The following ZNF331 variants were observed in gnomAD, a reference collection of about 807,000 sequenced individuals.
ZNF331 encodes C2H2-like zinc finger protein rearranged in thyroid adenomas.
In ZNF331, 2 loss-of-function variants were observed where a neutral mutation model predicts 7.0. The ratio of observed to expected loss-of-function variants is 0.29; its 90% CI spans 0.12 to 0.90. ZNF331 has a LOEUF of 0.90. Ranked by LOEUF, ZNF331 falls within the 40% of genes least tolerant of loss-of-function variation. ZNF331 has a pLI of 0.58. For missense variants in ZNF331, 432 were observed against 587.7 expected (o/e 0.74, Z 2.74); for synonymous variants, 196 against 205.4 (o/e 0.95, Z 0.39).
Position 53,577,417 on chromosome 19 carries a change from T to A in ZNF331, c.857T>A (p.Leu286His). The A allele has an allele frequency of 6.2e-7, 1 of 1,614,204 alleles. No individual in the cohort carries two copies. Among genetic ancestry groups the A allele is most frequent in the Non-Finnish European group, 8.5e-7 (1 of 1,180,030 alleles). The change falls in exon 6 of 6, where the codon CTC (leucine) becomes CAC (histidine). Residue 286 changes from leucine (L) to histidine (H), a missense_variant. By Grantham distance (99) the Leu-to-His change is moderately conservative (BLOSUM62 -3). Around this residue, in one of 3 missense-constraint regions of ZNF331, gnomAD observed 312 missense variants for 448.6 expected, o/e 0.70. Coordinates refer to ENST00000449416, the MANE Select transcript of ZNF331 (RefSeq NM_001079906.2). ...CGKAFICGSS[L>H]IQHKRIHTGE... ...AAGGCTTTTATTTGTGGTTCAAGCC[T>A]CATTCAGCATAAAAGAATTCACACA... is the stretch of plus-strand genomic sequence containing the variant.
At chr19:53,541,015 C>T (rs28812774) in intron 2 of ZNF331, among the ~76,000 whole-genome samples, 12 of 152,202 alleles carry the variant, frequency 7.9e-5, no homozygotes, top group African/African-American at 2.9e-4. Flanking sequence ...CTTAATTCCC[C>T]TTTGCCATGT....
exon 1 of ZNF331, chr19:53,521,331 A>AGTGAGAGTGTGTGTGTGT (rs779905191): frequency 3.1e-5 from 4 of 129,114 alleles, no homozygotes; most frequent in Non-Finnish European, 6.7e-5. Context: ...AGTGTGTGTG[A>AGTGAGAGTGTGTGTGTGT]GTGTGTGTGT....
the ZNF331 span, among the ~76,000 whole-genome samples, chr19:53,506,215 A>G: frequency 0.52 from 59,397 of 113,576 alleles, 16,074 homozygotes; most frequent in African/African-American, 0.65. Flanking sequence ...GGCGCCTGTA[A>G]TCCCAGCTAC....
At chr19:53,529,764 ATAAC>A (rs1193575878) in intron 2 of ZNF331, among the ~76,000 whole-genome samples, 1 of 152,218 alleles carries the variant, frequency 6.6e-6, no homozygotes, top group Admixed American at 6.5e-5. Context: ...GAATGAGAGA[ATAAC>A]TAAAAGGACA....
In ZNF331 at chr19:53,571,117, G is replaced by A. The variant is rs73051573; in HGVS notation, c.10-487G>A. On this transcript the variant is annotated intron_variant, in intron 4 of 5. Transcript: ENST00000449416. The surrounding 1 kb of genome is among the most constrained non-coding windows in gnomAD (Gnocchi z 4.7). Reference sequence around the variant, plus strand: ...CTCGTGATCCGCCTGCCTTGTTCTCGTGATCCGCCTGCCTTGGCCTCCCAA... The same window carrying A: ...CTCGTGATCCGCCTGCCTTGTTCTCATGATCCGCCTGCCTTGGCCTCCCAA... 0.052 allele frequency among the ~76,000 whole-genome samples: 7,831 copies of A among 152,040 alleles called. 216 individuals carry two copies. The highest frequency in any genetic ancestry group is 0.066 in the Non-Finnish European group (4,467 of 67,976).
intron 4 of ZNF331, 143 bp downstream of exon 4, chr19:53,569,528 T>C (rs3746303): frequency 0.36 from 334,637 of 924,594 alleles, 64,660 homozygotes; most frequent in East Asian, 0.58. Context: ...TGAATGATAA[T>C]GCCACGTAGC....
Position 53,573,005 on chromosome 19 carries a change from G to C in ZNF331, c.136+1275G>C, listed in dbSNP as rs1183501228. Among the ~76,000 whole-genome samples the C allele has an allele frequency of 6.6e-6, 1 of 151,974 alleles. No individual in the cohort carries two copies. The highest frequency in any genetic ancestry group is 1.5e-5 in the Non-Finnish European group (1 of 67,992). On this transcript the variant is annotated intron_variant, in intron 5 of 5. Coordinates refer to ENST00000449416, the MANE Select transcript of ZNF331 (RefSeq NM_001079906.2). The surrounding 1 kb of genome is among the most constrained non-coding windows in gnomAD (Gnocchi z 4.2). ...AGGCTGAGGTGGGCGGATCACTGGAGGTCAGGAGTTAGAGACCAGCCTGGC... is the reference window on the plus strand; with the variant it reads ...AGGCTGAGGTGGGCGGATCACTGGACGTCAGGAGTTAGAGACCAGCCTGGC...
rs186363643 is a variant in ZNF331 at position 53,577,587 on chromosome 19, G to A, written c.1027G>A (p.Val343Ile). ...GKAFRWGSSLVKHERIHTGEK... is the reference protein window; with the variant it reads ...GKAFRWGSSLIKHERIHTGEK... ...GGCCTTTCGCTGGGGTTCGAGCCTC[G>A]TTAAGCACGAGAGGATACATACGGG... The change falls in exon 6 of 6, where the codon GTT becomes ATT. Residue 343 changes from valine (V) to isoleucine (I), a missense_variant. Val to Ile is a conservative substitution (Grantham distance 29). Coordinates refer to ENST00000449416, the MANE Select transcript of ZNF331 (RefSeq NM_001079906.2). The A allele has an allele frequency of 1.9e-5, 30 of 1,613,150 alleles. No individual in the cohort carries two copies. The highest frequency in any genetic ancestry group is 8.8e-5 in the South Asian group (8 of 91,026).
Position 53,571,846 on chromosome 19 carries a change from A to G in ZNF331, c.136+116A>G, listed in dbSNP as rs889818313. On this transcript the variant is annotated intron_variant, in intron 5 of 5. Coordinates refer to ENST00000449416, the MANE Select transcript of ZNF331 (RefSeq NM_001079906.2). The surrounding 1 kb of genome is among the most constrained non-coding windows in gnomAD (Gnocchi z 4.7). ...GAATTTCTTCTTCCTGTCCCCAAGG[A>G]ATGTATTGAGCCTTATTGATGTGGC... The G allele has an allele frequency of 6.5e-6, 9 of 1,388,910 alleles. No individual in the cohort carries two copies. The African/African-American group carries it at 8.7e-5, about 13-fold the overall frequency. 86.0% of individuals were successfully genotyped at this position (1,388,910 alleles called of 1,614,324 possible).
At chr19:53,503,421 ATCT>A in the ZNF331 span, 1 of 565,782 alleles carries the variant, frequency 1.8e-6, no homozygotes, top group Non-Finnish European at 3.2e-6. Flanking sequence ...CATGGGAACG[ATCT>A]TCTTATCGCA....
chr19:53,539,863 G>C lies in ZNF331; in HGVS notation c.-138+581G>C, dbSNP rs948543013. Among the ~76,000 whole-genome samples the C allele has an allele frequency of 6.6e-6, 1 of 152,170 alleles. No homozygotes were observed. Among genetic ancestry groups the C allele is most frequent in the African/African-American group, 2.4e-5 (1 of 41,424 alleles). On this transcript the variant is annotated intron_variant, in intron 2 of 5. Coordinates refer to ENST00000449416, the MANE Select transcript of ZNF331 (RefSeq NM_001079906.2). The surrounding 1 kb of genome is among the most constrained non-coding windows in gnomAD (Gnocchi z 6.1). ...TGTTCAGGATGGTGGAAATGGTTAA[G>C]TAATTATACCACGTTCATTTCATGG...
chr19:53,512,163 A>G, the ZNF331 span: 10 of 152,496 alleles, frequency 6.6e-5, no homozygotes, highest in Non-Finnish European at 1.3e-4. Flanking sequence ...GCCTCTCTCC[A>G]TCCTGGGAGG....
the ZNF331 span, among the ~76,000 whole-genome samples, chr19:53,510,687 A>G: frequency 3.9e-5 from 6 of 152,090 alleles, no homozygotes; most frequent in Non-Finnish European, 7.4e-5. Flanking sequence ...GATTCTTGCA[A>G]TAACATCCAT....
At chr19:53,562,460 C>T (rs2089939756) in intron 3 of ZNF331, among the ~76,000 whole-genome samples, 1 of 152,058 alleles carries the variant, frequency 6.6e-6, no homozygotes, top group Non-Finnish European at 1.5e-5. Flanking sequence ...GAGGCCAAAG[C>T]GGGTGGATCA....
upstream of ZNF331, among the ~76,000 whole-genome samples, chr19:53,518,306 GTGGCCTCTGGCCACAGGC>G (rs372620050): frequency 0.011 from 1,654 of 152,246 alleles, 28 homozygotes; most frequent in African/African-American, 0.038. Context: ...CGGGGGCCCT[GTGGCCTCTGGCCACAGGC>G]TGACGACTGC....
In ZNF331 at chr19:53,560,144, CACAT is replaced by C. The variant is rs1297722986; in HGVS notation, c.-74+4238_-74+4241del. On this transcript the variant is annotated intron_variant, in intron 3 of 5. Transcript: ENST00000449416. This position sits in a 1 kb window ranked among gnomAD's most constrained non-coding sequence, Gnocchi z 4.3. ...TATATACACACACCATATATATACACACATATATACACATCCACACCATATATAC... is the reference window on the plus strand; with the variant it reads ...TATATACACACACCATATATATACACATATACACATCCACACCATATATAC... Among the ~76,000 whole-genome samples, 1 of 121,216 alleles carries C rather than the reference CACAT, an allele frequency of 8.2e-6. No individual in the cohort carries two copies. Among genetic ancestry groups the C allele is most frequent in the Non-Finnish European group, 1.7e-5 (1 of 58,978 alleles). 79.5% of individuals were successfully genotyped at this position (121,216 alleles called of 152,430 possible).
In ZNF331 at chr19:53,571,019, C is replaced by T. The variant is rs556826977; in HGVS notation, c.10-585C>T. Among the ~76,000 whole-genome samples the T allele has an allele frequency of 1.9e-4, 29 of 151,934 alleles. No individual in the cohort carries two copies. Among genetic ancestry groups the T allele is most frequent in the Non-Finnish European group, 3.4e-4 (23 of 67,964 alleles). On this transcript the variant is annotated intron_variant, in intron 4 of 5. Transcript: ENST00000449416. The surrounding 1 kb of genome is among the most constrained non-coding windows in gnomAD (Gnocchi z 4.7). ...GACTACAGGCGCCCACCATCACGCCCGGCTAATTTTTTTGTATTTTTAGTA... is the reference window on the plus strand; with the variant it reads ...GACTACAGGCGCCCACCATCACGCCTGGCTAATTTTTTTGTATTTTTAGTA...
intron 2 of ZNF331, among the ~76,000 whole-genome samples, chr19:53,549,686 T>C (rs1269194816): frequency 7.7e-6 from 1 of 130,608 alleles, no homozygotes; most frequent in Non-Finnish European, 1.6e-5. Context: ...CAGTGGGGAC[T>C]CTGTCTCAAA....
At chr19:53,528,132 A>G (rs2087378966) in intron 2 of ZNF331, among the ~76,000 whole-genome samples, 1 of 152,192 alleles carries the variant, frequency 6.6e-6, no homozygotes, top group Non-Finnish European at 1.5e-5. Context: ...CTCAGATTAG[A>G]TTCTTTAAAC....
Sources: allele counts gnomAD v4.1 joint callset (sites outside exome capture counted in the v4.1 genomes callset), GRCh38; gene constraint gnomAD v4.1.1; regional missense constraint gnomAD v4.1.1; non-coding constraint Gnocchi (gnomAD v3.1); transcripts MANE v1.5; gene names NCBI Gene and HGNC (gene_info 2026-07-23, HGNC 2026-07-21).